Variants in MKLN1 observed in about 807,000 individuals in gnomAD.
MKLN1 encodes the protein muskelin 1, also known as muskelin.
Under a neutral mutation model 99.0 loss-of-function variants are expected in MKLN1, and 18 were observed. The observed-to-expected ratio is 0.18, with a 90% CI of 0.13 to 0.27. MKLN1 has a LOEUF of 0.27. Ranked by LOEUF, MKLN1 falls within the 10% of genes least tolerant of loss-of-function variation. The pLI, the probability that MKLN1 is intolerant of heterozygous loss-of-function variation, is 1.00. For missense variants in MKLN1, 621 were observed against 875.9 expected, an observed-to-expected ratio of 0.71 and a Z score of 3.67; for synonymous variants, 288 against 293.2, an observed-to-expected ratio of 0.98 and a Z score of 0.18.
intron 2 of MKLN1, among the ~76,000 whole-genome samples, chr7:131,199,302 A>T (rs1283602385): frequency 6.6e-6 from 1 of 150,562 alleles, no homozygotes; most frequent in Non-Finnish European, 1.5e-5. Flanking sequence ...TGTTGCCCAG[A>T]CTGGAGTACA....
intron 1 of MKLN1, among the ~76,000 whole-genome samples, chr7:131,111,797 A>C (rs990869832): frequency 9.0e-6 from 1 of 111,124 alleles, no homozygotes; most frequent in African/African-American, 3.2e-5. Flanking sequence ...TAAATAAATA[A>C]ATACATGTCG....
intron 13 of MKLN1, 130 bp downstream of exon 13, chr7:131,463,494 A>G (rs1796576364): frequency 2.1e-6 from 2 of 942,824 alleles, no homozygotes; most frequent in Admixed American, 2.4e-5. Flanking sequence ...TCAGTATTGG[A>G]AAAAAATCAA....
chr7:131,113,982 G>A (rs183735329), intron 1 of MKLN1, among the ~76,000 whole-genome samples: 3 of 152,182 alleles, frequency 2.0e-5, no homozygotes, highest in Non-Finnish European at 4.4e-5. Flanking sequence ...CCTCCCACCA[G>A]GTCCCTCCCT....
At chr7:131,348,241 A>G (rs188402539) in intron 1 of MKLN1, among the ~76,000 whole-genome samples, 12 of 152,332 alleles carry the variant, frequency 7.9e-5, no homozygotes, top group Admixed American at 7.2e-4. Context: ...AGCCTTGCCT[A>G]TTTATCAGAT....
intron 8 of MKLN1, among the ~76,000 whole-genome samples, chr7:131,418,050 T>C (rs1006703966): frequency 6.6e-6 from 1 of 152,098 alleles, no homozygotes; most frequent in Non-Finnish European, 1.5e-5. Context: ...AGAAATTGTC[T>C]CGTTAGCACC....
chr7:131,280,861 G>C (rs1210353673), intron 3 of MKLN1, among the ~76,000 whole-genome samples: 1 of 151,966 alleles, frequency 6.6e-6, no homozygotes, highest in East Asian at 1.9e-4. Context: ...TGTTGACCAG[G>C]CTGTCTTTGT....
At chr7:131,121,323 G>T (rs1337364556) in intron 1 of MKLN1, among the ~76,000 whole-genome samples, 1 of 152,106 alleles carries the variant, frequency 6.6e-6, no homozygotes, top group Non-Finnish European at 1.5e-5. Context: ...GGGATACAGA[G>T]CCAAACCATG....
At position 131,270,134 on chromosome 7, in the gene MKLN1, G is replaced by C. The variant is rs1447933931; in HGVS notation, c.-179+67160G>C. 3.3e-5 allele frequency among the ~76,000 whole-genome samples: 5 copies of C among 152,028 alleles called. No individual in the cohort carries two copies. In the East Asian group the frequency reaches 9.6e-4, roughly 29 times the overall value. On this transcript the variant is annotated intron_variant, in intron 3 of 7. Transcript: ENST00000416992. ...AGACAGGGTATCACCATGTTAGCCA[G>C]GATGGTCTCGATCTCCCGACTTCAT...
intron 1 of MKLN1, among the ~76,000 whole-genome samples, chr7:131,133,846 T>A (rs1795605566): frequency 8.6e-6 from 1 of 115,656 alleles, no homozygotes; most frequent in Non-Finnish European, 1.7e-5. Flanking sequence ...TTTTTTTTTT[T>A]GAGACGAAGT....
At chr7:131,482,671 C>T (rs781123441) in intron 17 of MKLN1, among the ~76,000 whole-genome samples, 15 of 152,106 alleles carry the variant, frequency 9.9e-5, no homozygotes, top group Non-Finnish European at 1.9e-4. Flanking sequence ...TGAATCCAGC[C>T]TGGGCAATGT....
intron 1 of MKLN1, among the ~76,000 whole-genome samples, chr7:131,363,603 C>A (rs1225105031): frequency 6.6e-6 from 1 of 151,990 alleles, no homozygotes; most frequent in East Asian, 1.9e-4. Context: ...TTACTTAGTT[C>A]TCAGATTTTC....
intron 1 of MKLN1, among the ~76,000 whole-genome samples, chr7:131,330,895 A>T (rs1424388811): frequency 6.6e-6 from 1 of 152,124 alleles, no homozygotes; most frequent in Non-Finnish European, 1.5e-5. Context: ...CTTTGAGACT[A>T]AAAAAAGGCC....
At chr7:131,286,270 A>G (rs1457589482) in intron 3 of MKLN1, among the ~76,000 whole-genome samples, 1 of 152,176 alleles carries the variant, frequency 6.6e-6, no homozygotes, top group Non-Finnish European at 1.5e-5. Flanking sequence ...ATTTTAACAT[A>G]GTAGTTCTTT....
chr7:131,276,592 A>G (rs1463530690), intron 3 of MKLN1, among the ~76,000 whole-genome samples: 2 of 152,154 alleles, frequency 1.3e-5, no homozygotes, highest in African/African-American at 2.4e-5. Flanking sequence ...CTTCACGACA[A>G]CCAGTGATGT....
At chr7:131,262,734 A>G (rs758051903) in intron 3 of MKLN1, among the ~76,000 whole-genome samples, 1 of 151,912 alleles carries the variant, frequency 6.6e-6, no homozygotes, top group Non-Finnish European at 1.5e-5. Flanking sequence ...TATTTTTAGT[A>G]GAGACGGGGT....
intron 3 of MKLN1, among the ~76,000 whole-genome samples, chr7:131,216,741 G>C (rs1364780010): frequency 6.6e-6 from 1 of 152,124 alleles, no homozygotes; most frequent in Non-Finnish European, 1.5e-5. Flanking sequence ...CTGTCACCTG[G>C]GTAATGGGAA....
At chr7:131,150,511 A>G (rs1010457802) in intron 2 of MKLN1, among the ~76,000 whole-genome samples, 2 of 152,072 alleles carry the variant, frequency 1.3e-5, no homozygotes, top group Non-Finnish European at 2.9e-5. Flanking sequence ...ACAAACAAAC[A>G]ATAATAAAAT....
chr7:131,252,858 G>C (rs998940352), intron 3 of MKLN1, among the ~76,000 whole-genome samples: 2 of 152,166 alleles, frequency 1.3e-5, no homozygotes, highest in Non-Finnish European at 2.9e-5. Context: ...TTTGGCCAGA[G>C]GGTAATCTAT....
intron 3 of MKLN1, among the ~76,000 whole-genome samples, chr7:131,317,592 T>C (rs1328106445): frequency 6.6e-6 from 1 of 151,494 alleles, no homozygotes; most frequent in African/African-American, 2.4e-5. Context: ...CAGGATCAAA[T>C]TCACATATAA....
Sources: gnomAD v4.1 joint callset for allele counts (sites outside exome capture counted in the v4.1 genomes callset) on GRCh38, gnomAD v4.1.1 for gene constraint, MANE v1.5 for transcripts, NCBI Gene and HGNC (gene_info 2026-07-23, HGNC 2026-07-21) for gene names.